CTNNBIP1: variants seen among roughly 807,000 people sequenced by gnomAD.
CTNNBIP1 encodes catenin beta interacting protein 1, also known as beta-catenin-interacting protein 1.
In CTNNBIP1, 7 loss-of-function variants were observed where a neutral mutation model predicts 11.8. That is an observed-to-expected ratio of 0.60 (90% CI 0.34 to 1.12). The LOEUF (loss-of-function observed/expected upper bound fraction) is 1.12, where lower values mean the gene tolerates loss of function less well. CTNNBIP1 is among the 50% of genes most tolerant of loss of function. The pLI is 0.03. For missense variants in CTNNBIP1, 101 were observed against 113.4 expected, an observed-to-expected ratio of 0.89 and a Z score of 0.50; for synonymous variants, 58 against 43.9, an observed-to-expected ratio of 1.32 and a Z score of -1.26.
rs1638891525 is a variant in CTNNBIP1 at position 9,872,772 on chromosome 1, C to T, written c.-24-684G>A. On this transcript the variant is annotated intron_variant, in intron 3 of 5. Transcript: ENST00000377263. This position sits in a 1 kb window ranked among gnomAD's most constrained non-coding sequence, Gnocchi z 4.0. ...GCAGCTGGGAAGGCCAGCAGCGTGTCCACATGCAGCAGGGACCTAACCTGT... is the reference window on the plus strand; with the variant it reads ...GCAGCTGGGAAGGCCAGCAGCGTGTTCACATGCAGCAGGGACCTAACCTGT... 6.6e-6 allele frequency among the ~76,000 whole-genome samples: 1 copy of T among 152,174 alleles called. No homozygotes were observed. The highest frequency in any genetic ancestry group is 1.5e-5 in the Non-Finnish European group (1 of 68,022).
chr1:9,909,666 A>G lies in CTNNBIP1; in HGVS notation c.-144+429T>C, dbSNP rs568161407. ...CTCACCGGGGAGGGGTGGAATCGGG[A>G]GACGACAGTTCAATCAAACTACAGA... On this transcript the variant is annotated intron_variant, in intron 1 of 5. Transcript: ENST00000377263. Among the ~76,000 whole-genome samples the G allele has an allele frequency of 3.3e-5, 5 of 152,240 alleles. No homozygotes were observed. In the South Asian group the frequency reaches 8.3e-4, roughly 25 times the overall value.
chr1:9,875,632 A>T lies in CTNNBIP1; in HGVS notation c.-25+2273T>A, dbSNP rs1638952500. Among the ~76,000 whole-genome samples, 4 of 152,222 alleles carry T rather than the reference A, an allele frequency of 2.6e-5. No homozygotes were observed. In the South Asian group the frequency reaches 8.3e-4, roughly 32 times the overall value. On this transcript the variant is annotated intron_variant, in intron 3 of 5. Coordinates refer to ENST00000377263, the MANE Select transcript of CTNNBIP1 (RefSeq NM_020248.3). ...TTCAACTCACTTCCCTGCAAGAGAC[A>T]GTTCTTCTCGCTACAGAGAAGACCC...
chr1:9,870,060 C>T (rs966457224), intron 5 of CTNNBIP1, among the ~76,000 whole-genome samples: 18 of 152,240 alleles, frequency 1.2e-4, no homozygotes, highest in African/African-American at 4.1e-4. Context: ...GGTGCACAAG[C>T]CAGGTCACAC....
At chr1:9,909,441 G>C (rs1639685881) in intron 1 of CTNNBIP1, among the ~76,000 whole-genome samples, 1 of 152,182 alleles carries the variant, frequency 6.6e-6, no homozygotes, top group Non-Finnish European at 1.5e-5. Flanking sequence ...GAGGGATGGA[G>C]GGCCTAGCAG....
At chr1:9,860,447 A>T (rs1355564317) in intron 5 of CTNNBIP1, among the ~76,000 whole-genome samples, 1 of 150,386 alleles carries the variant, frequency 6.6e-6, no homozygotes, top group South Asian at 2.1e-4. Context: ...AAAAAAAAAA[A>T]AAAAAAACAA....
chr1:9,906,985 A>G (rs891229747), intron 1 of CTNNBIP1, among the ~76,000 whole-genome samples: 1 of 152,226 alleles, frequency 6.6e-6, no homozygotes, highest in African/African-American at 2.4e-5. Flanking sequence ...ACTAGCAGGC[A>G]TCATAAGAAA....
rs1570552578 is a variant in CTNNBIP1, at chr1:9,851,579, G to C, written c.188-803C>G. 6.6e-6 allele frequency among the ~76,000 whole-genome samples: 1 copy of C among 152,094 alleles called. No homozygotes were observed. Among genetic ancestry groups the C allele is most frequent in the Admixed American group, 6.5e-5 (1 of 15,268 alleles). Reference sequence around the variant, plus strand: ...GTAGAGATGAGGTTTCACCATGTTGGTCAGGCTGGTCTCAAACTCCTGACC... The same window carrying C: ...GTAGAGATGAGGTTTCACCATGTTGCTCAGGCTGGTCTCAAACTCCTGACC... On this transcript the variant is annotated intron_variant, in intron 5 of 5. Transcript: ENST00000377263. This position sits in a 1 kb window ranked among gnomAD's most constrained non-coding sequence, Gnocchi z 4.8.
rs1638748851 is a variant in CTNNBIP1, at chr1:9,866,511, TGGTGAAACCCC to T, written c.187+4665_187+4675del. Among the ~76,000 whole-genome samples the T allele has an allele frequency of 2.6e-5, 4 of 152,014 alleles. No individual in the cohort carries two copies. The South Asian group carries it at 8.3e-4, about 32-fold the overall frequency. On this transcript the variant is annotated intron_variant, in intron 5 of 5. Coordinates refer to ENST00000377263, the MANE Select transcript of CTNNBIP1 (RefSeq NM_020248.3). ...GAGTTTGAGACCAGCCCGGGCAACA[TGGTGAAACCCC>T]GTCTCTAATCAGCTGGGTGTGGTGG...
In CTNNBIP1 at chr1:9,853,199, G is replaced by C. The variant is rs1336441051; in HGVS notation, c.188-2423C>G. 2.0e-5 allele frequency among the ~76,000 whole-genome samples: 3 copies of C among 152,294 alleles called. No individual in the cohort carries two copies. In the East Asian group the frequency reaches 5.8e-4, roughly 29 times the overall value. ...CTGCGGCCTGTCTGTGCTCTCTTCT[G>C]TTCCTTAAGGATATTATCCAGGCTT... On this transcript the variant is annotated intron_variant, in intron 5 of 5. Coordinates refer to ENST00000377263, the MANE Select transcript of CTNNBIP1 (RefSeq NM_020248.3).
chr1:9,858,300 A>C (rs1487172721), intron 5 of CTNNBIP1, among the ~76,000 whole-genome samples: 1 of 152,104 alleles, frequency 6.6e-6, no homozygotes, highest in African/African-American at 2.4e-5. Flanking sequence ...GCCTTTGCTC[A>C]AAACCCTCCA....
At position 9,848,967 on chromosome 1, in the gene CTNNBIP1, C is replaced by A. The variant is rs1315002006; in HGVS notation, c.*1751G>T. The A allele has an allele frequency of 6.6e-6, 1 of 152,250 alleles. No individual in the cohort carries two copies. Among genetic ancestry groups the A allele is most frequent in the Non-Finnish European group, 1.5e-5 (1 of 68,086 alleles). The allele number at this position is 152,250 out of a possible 1,614,324, so 9.4% of individuals were successfully genotyped here. The stretch of plus-strand genomic sequence containing the variant: ...ACTCAGGAGCCCCTACGGCCCGAGC[C>A]CCAAGCCCCGAGAAAGGGGAAAGAT... On this transcript the variant is annotated 3_prime_UTR_variant, in exon 6 of 6. Transcript: ENST00000377263. This position sits in a 1 kb window ranked among gnomAD's most constrained non-coding sequence, Gnocchi z 4.3.
chr1:9,872,193 C>A lies in CTNNBIP1; in HGVS notation c.-24-105G>T. ...CACTCCTCCCAGGAGCCGCTTTCCA[C>A]CCACAGTCTCCCTTCTGGGAGCATG... On this transcript the variant is annotated intron_variant, in intron 3 of 5. Coordinates refer to ENST00000377263, the MANE Select transcript of CTNNBIP1 (RefSeq NM_020248.3). The surrounding 1 kb of genome is among the most constrained non-coding windows in gnomAD (Gnocchi z 4.0). 2 of 701,602 alleles carry A rather than the reference C, an allele frequency of 2.9e-6. No homozygotes were observed. Among genetic ancestry groups the A allele is most frequent in the Non-Finnish European group, 5.0e-6 (2 of 400,244 alleles). 43.5% of individuals were successfully genotyped at this position (701,602 alleles called of 1,614,324 possible).
chr1:9,887,696 C>T (rs1052749256), intron 1 of CTNNBIP1, among the ~76,000 whole-genome samples: 7 of 149,734 alleles, frequency 4.7e-5, no homozygotes, highest in South Asian at 2.1e-4. Context: ...AGCAAGATTC[C>T]GTCTCAAGAA....
chr1:9,907,614 A>C (rs1639643397), intron 1 of CTNNBIP1, among the ~76,000 whole-genome samples: 1 of 152,222 alleles, frequency 6.6e-6, no homozygotes, highest in South Asian at 2.1e-4. Context: ...TGTGGGAATG[A>C]AACCCAGTGT....
chr1:9,870,695 G>A (rs954798093), intron 5 of CTNNBIP1, among the ~76,000 whole-genome samples: 5 of 152,178 alleles, frequency 3.3e-5, no homozygotes, highest in African/African-American at 4.8e-5. Context: ...TCAGGCGCAC[G>A]GAGACATCAG....
chr1:9,875,636 C>G (rs546435618), intron 3 of CTNNBIP1, among the ~76,000 whole-genome samples: 1 of 151,908 alleles, frequency 6.6e-6, no homozygotes, highest in Admixed American at 6.5e-5. Flanking sequence ...AGAGACAGTT[C>G]TTCTCGCTAC....
chr1:9,894,306 C>T (rs1243670358), intron 1 of CTNNBIP1, among the ~76,000 whole-genome samples: 3 of 152,206 alleles, frequency 2.0e-5, no homozygotes, highest in Non-Finnish European at 4.4e-5. Flanking sequence ...CTCCTAAGGC[C>T]ATTCTCCTAC....
chr1:9,871,888 C>T lies in CTNNBIP1; in HGVS notation c.96+81G>A. ...CCGCAGGAGGCAGCCGCAGTGGCTC[C>T]ACCCTCCAATAGCCCAGCAGGGCCC... is the stretch of plus-strand genomic sequence containing the variant. On this transcript the variant is annotated intron_variant, in intron 4 of 5. Transcript: ENST00000377263. The surrounding 1 kb of genome is among the most constrained non-coding windows in gnomAD (Gnocchi z 5.2). 1.6e-6 allele frequency: 2 copies of T among 1,271,876 alleles called. No homozygotes were observed. Among genetic ancestry groups the T allele is most frequent in the Middle Eastern group, 1.9e-4 (1 of 5,334 alleles). 78.8% of individuals were successfully genotyped at this position (1,271,876 alleles called of 1,614,324 possible).
intron 1 of CTNNBIP1, among the ~76,000 whole-genome samples, chr1:9,908,734 CTTGT>C (rs1206977615): frequency 1.3e-5 from 2 of 152,216 alleles, no homozygotes; most frequent in Non-Finnish European, 2.9e-5. Flanking sequence ...ATTTTGTCCA[CTTGT>C]TTGTTTACTC....
Sources: gnomAD v4.1 joint callset for allele counts (sites outside exome capture counted in the v4.1 genomes callset) on GRCh38, gnomAD v4.1.1 for gene constraint, Gnocchi (gnomAD v3.1) non-coding constraint, MANE v1.5 for transcripts, NCBI Gene and HGNC (gene_info 2026-07-23, HGNC 2026-07-21) for gene names.